Variants in JAKMIP1 observed in about 807,000 individuals in gnomAD.
JAKMIP1 encodes the protein janus kinase and microtubule interacting protein 1.
JAKMIP1 carries 33 observed loss-of-function variants against 113.0 expected under a neutral mutation model. The ratio of observed to expected loss-of-function variants is 0.29; its 90% CI spans 0.22 to 0.39. The LOEUF (loss-of-function observed/expected upper bound fraction) is 0.39. Ranked by LOEUF, JAKMIP1 falls within the 10% of genes least tolerant of loss-of-function variation. JAKMIP1 has a pLI of 1.00. For synonymous variants in JAKMIP1, 480 were observed against 459.9 expected (o/e 1.04, Z -0.56); for missense variants, 813 against 1,080.5 (o/e 0.75, Z 3.47).
chr4:6,145,786 C>T (rs1182773969), intron 1 of JAKMIP1, among the ~76,000 whole-genome samples: 1 of 152,054 alleles, frequency 6.6e-6, no homozygotes, highest in Non-Finnish European at 1.5e-5. Flanking sequence ...GCTTGTAGAC[C>T]CTGCCTTCTT....
rs867368735 is a variant in JAKMIP1, at chr4:6,179,027, A to G, written c.-148+21226T>C. On this transcript the variant is annotated intron_variant, in intron 1 of 20. Coordinates refer to ENST00000409021, the MANE Select transcript of JAKMIP1 (RefSeq NM_001099433.2). This position sits in a 1 kb window ranked among gnomAD's most constrained non-coding sequence, Gnocchi z 4.5. ...AAAGATCAGGTTACAAAGCTGGTAT[A>G]GCATATTCCCAGGAAAAAATAAAAC... is the stretch of plus-strand genomic sequence containing the variant. Among the ~76,000 whole-genome samples the G allele has an allele frequency of 1.3e-5, 2 of 152,264 alleles. No homozygotes were observed. Among genetic ancestry groups the G allele is most frequent in the Admixed American group, 6.5e-5 (1 of 15,288 alleles).
At chr4:6,070,650 G>C (rs533234003) in intron 8 of JAKMIP1, among the ~76,000 whole-genome samples, 1 of 152,348 alleles carries the variant, frequency 6.6e-6, no homozygotes, top group Admixed American at 6.5e-5. Context: ...GCAACGCCAC[G>C]ATAGATTCTC....
chr4:6,036,204 G>A (rs1037318901), intron 18 of JAKMIP1, 97 bp from the exon 19 acceptor site: 1 of 1,020,066 alleles, frequency 9.8e-7, no homozygotes, highest in African/African-American at 1.6e-5. Context: ...CCAGGGAGGG[G>A]GGTTTCGGGC....
Position 6,185,960 on chromosome 4 carries a change from A to G in JAKMIP1, c.-148+14293T>C, listed in dbSNP as rs1416665554. Among the ~76,000 whole-genome samples the G allele has an allele frequency of 1.3e-5, 2 of 152,162 alleles. No individual in the cohort carries two copies. The highest frequency in any genetic ancestry group is 4.8e-5 in the African/African-American group (2 of 41,450). On this transcript the variant is annotated intron_variant, in intron 1 of 20. Coordinates refer to ENST00000409021, the MANE Select transcript of JAKMIP1 (RefSeq NM_001099433.2). The surrounding 1 kb of genome is among the most constrained non-coding windows in gnomAD (Gnocchi z 5.3). ...GTTCAGACTGGACTTTTTTTTAATT[A>G]CCTCAGTGTGGAGGTCATTTCCAAT...
intron 11 of JAKMIP1, 111 bp from the exon 12 acceptor site, chr4:6,056,870 T>C: frequency 1.3e-6 from 1 of 762,482 alleles, no homozygotes; most frequent in East Asian, 2.6e-5. Flanking sequence ...GGAAAGGTCA[T>C]AAAAAATGAC....
At chr4:6,053,818 C>T (rs1715979799) in intron 13 of JAKMIP1, 1 of 1,328,260 alleles carries the variant, frequency 7.5e-7, no homozygotes, top group African/African-American at 1.5e-5. Flanking sequence ...TATATTAGCT[C>T]TGGTACATGT....
At position 6,060,519 on chromosome 4, in the gene JAKMIP1, A is replaced by G. The variant is rs1484589374; in HGVS notation, c.1561-12T>C. The G allele has an allele frequency of 3.1e-6, 5 of 1,610,882 alleles. No homozygotes were observed. The African/African-American group carries it at 6.7e-5, about 22-fold the overall frequency. On this transcript the variant is annotated splice_polypyrimidine_tract_variant and intron_variant, in intron 10 of 20. Coordinates refer to ENST00000409021, the MANE Select transcript of JAKMIP1 (RefSeq NM_001099433.2). Reference sequence around the variant, plus strand: ...AGCTGCTCCCGAGTCTGGAAGGGAAAAGACCAGGCAGTGAGCAGGTCACCT... The same window carrying G: ...AGCTGCTCCCGAGTCTGGAAGGGAAGAGACCAGGCAGTGAGCAGGTCACCT...
rs558314438 is a variant in JAKMIP1 at position 6,158,179 on chromosome 4, CAGACCATGCTGT to C, written c.-148+42062_-148+42073del. Among the ~76,000 whole-genome samples the C allele has an allele frequency of 0.012, 1,860 of 152,286 alleles. 29 individuals are homozygous for C. The highest frequency in any genetic ancestry group is 0.041 in the African/African-American group (1,711 of 41,544). On this transcript the variant is annotated intron_variant, in intron 1 of 20. Transcript: ENST00000409021. The surrounding 1 kb of genome is among the most constrained non-coding windows in gnomAD (Gnocchi z 5.3). ...ACGGATCGCCTCACAGTGTGGAGGG[CAGACCATGCTGT>C]AGGTCATGCAGTGCACGCTCCATAC...
At chr4:6,070,031 C>T (rs889921905) in intron 8 of JAKMIP1, 12 of 398,564 alleles carry the variant, frequency 3.0e-5, no homozygotes, top group South Asian at 2.5e-4. Flanking sequence ...AACCTCAAAA[C>T]GCAAAACCCC....
intron 1 of JAKMIP1, among the ~76,000 whole-genome samples, chr4:6,161,267 C>CATCTCCTCTGACCTCCACTG (rs1722917627): frequency 2.9e-5 from 4 of 138,440 alleles, no homozygotes; most frequent in African/African-American, 1.3e-4. Flanking sequence ...CACCTCCACT[C>CATCTCCTCTGACCTCCACTG]ACTTCCCCTG....
At chr4:6,127,257 G>A (rs1311125510) in intron 1 of JAKMIP1, among the ~76,000 whole-genome samples, 3 of 152,184 alleles carry the variant, frequency 2.0e-5, no homozygotes, top group East Asian at 1.9e-4. Flanking sequence ...CAGCAAGCCC[G>A]GGGGCAGCCA....
Position 6,158,303 on chromosome 4 carries a change from C to T in JAKMIP1, c.-148+41950G>A, listed in dbSNP as rs1201535216. Among the ~76,000 whole-genome samples, 1 of 152,186 alleles carries T rather than the reference C, an allele frequency of 6.6e-6. No individual in the cohort carries two copies. The highest frequency in any genetic ancestry group is 1.5e-5 in the Non-Finnish European group (1 of 68,030). ...AAGCACTTGAAAGCCCAGAACCTAA[C>T]ATCATAGGGATGGTAGTGGGATGGG... is the stretch of plus-strand genomic sequence containing the variant. On this transcript the variant is annotated intron_variant, in intron 1 of 20. Transcript: ENST00000409021. This position sits in a 1 kb window ranked among gnomAD's most constrained non-coding sequence, Gnocchi z 5.3.
chr4:6,138,668 G>A lies in JAKMIP1; in HGVS notation c.-147-25671C>T, dbSNP rs189108479. On this transcript the variant is annotated intron_variant, in intron 1 of 20. Coordinates refer to ENST00000409021, the MANE Select transcript of JAKMIP1 (RefSeq NM_001099433.2). This position sits in a 1 kb window ranked among gnomAD's most constrained non-coding sequence, Gnocchi z 6.0. ...CCTACATCCACTGGCAGAACTTCACGTTCTAGAACCACGGAATGGCCGTGC... is the reference window on the plus strand; with the variant it reads ...CCTACATCCACTGGCAGAACTTCACATTCTAGAACCACGGAATGGCCGTGC... Among the ~76,000 whole-genome samples the A allele has an allele frequency of 3.3e-5, 5 of 152,212 alleles. No individual in the cohort carries two copies. The East Asian group carries it at 7.7e-4, about 24-fold the overall frequency.
chr4:6,116,020 G>C lies in JAKMIP1; in HGVS notation c.-147-3023C>G, dbSNP rs1264470351. Among the ~76,000 whole-genome samples the C allele has an allele frequency of 6.6e-6, 1 of 152,128 alleles. No individual in the cohort carries two copies. Among genetic ancestry groups the C allele is most frequent in the Non-Finnish European group, 1.5e-5 (1 of 68,024 alleles). ...TTCCAGGGTGAATAAATCTCCATGGGCTGATACCAAGCCTGGTACTCTCAA... is the reference window on the plus strand; with the variant it reads ...TTCCAGGGTGAATAAATCTCCATGGCCTGATACCAAGCCTGGTACTCTCAA... On this transcript the variant is annotated intron_variant, in intron 1 of 20. Coordinates refer to ENST00000409021, the MANE Select transcript of JAKMIP1 (RefSeq NM_001099433.2). The surrounding 1 kb of genome is among the most constrained non-coding windows in gnomAD (Gnocchi z 5.1).
chr4:6,152,375 C>G (rs79862225), intron 1 of JAKMIP1, among the ~76,000 whole-genome samples: 3,367 of 152,212 alleles, frequency 0.022, 104 homozygotes, highest in African/African-American at 0.075. Context: ...GTAGCCCCAG[C>G]TCCTAGAACC....
intron 8 of JAKMIP1, among the ~76,000 whole-genome samples, chr4:6,068,531 T>C (rs569214985): frequency 2.7e-5 from 4 of 150,558 alleles, no homozygotes; most frequent in African/African-American, 4.9e-5. Context: ...CAGGTTTTTA[T>C]GCTGGGTATT....
At chr4:6,126,286 A>G (rs1252523456) in intron 1 of JAKMIP1, among the ~76,000 whole-genome samples, 1 of 147,180 alleles carries the variant, frequency 6.8e-6, no homozygotes, top group African/African-American at 2.5e-5. Context: ...CCATGCAGAA[A>G]CACACACACA....
chr4:6,135,694 G>A lies in JAKMIP1; in HGVS notation c.-147-22697C>T, dbSNP rs114570637. On this transcript the variant is annotated intron_variant, in intron 1 of 20. Transcript: ENST00000409021. This position sits in a 1 kb window ranked among gnomAD's most constrained non-coding sequence, Gnocchi z 4.9. The stretch of plus-strand genomic sequence containing the variant: ...GCTGAGAAGTTGCTTCTTGCCCCAT[G>A]TTACCTATGACAAACCAGAGGCTCT... Among the ~76,000 whole-genome samples, 461 of 152,278 alleles carry A rather than the reference G, an allele frequency of 3.0e-3. 2 individuals are homozygous for A. Among genetic ancestry groups the A allele is most frequent in the Non-Finnish European group, 5.1e-3 (345 of 68,028 alleles).
chr4:6,046,564 G>A (rs1372744009), intron 16 of JAKMIP1, among the ~76,000 whole-genome samples: 1 of 152,056 alleles, frequency 6.6e-6, no homozygotes, highest in Non-Finnish European at 1.5e-5. Flanking sequence ...GGAGGTTGGT[G>A]GTCAGGGGCA....
Sources: gnomAD v4.1 joint callset for allele counts (sites outside exome capture counted in the v4.1 genomes callset) on GRCh38, gnomAD v4.1.1 for gene constraint, Gnocchi (gnomAD v3.1) non-coding constraint, MANE v1.5 for transcripts, NCBI Gene and HGNC (gene_info 2026-07-23, HGNC 2026-07-21) for gene names.